Variants in DNM1 observed in about 807,000 individuals in gnomAD.
The protein encoded by DNM1 is dynamin 1, also known as dynamin-1.
In DNM1, 29 loss-of-function variants were observed where a neutral mutation model predicts 104.6. The observed-to-expected ratio is 0.28, with a 90% confidence interval of 0.21 to 0.38. DNM1 has a LOEUF of 0.38. Ranked by LOEUF, DNM1 falls within the 10% of genes least tolerant of loss-of-function variation. DNM1 has a pLI of 1.00. For synonymous variants in DNM1, 445 were observed against 475.8 expected, an observed-to-expected ratio of 0.94 and a Z score of 0.84; for missense variants, 640 against 1,189.4, an observed-to-expected ratio of 0.54 and a Z score of 6.79.
At position 128,254,317 on chromosome 9, in the gene DNM1, AGAG is replaced by A; in HGVS notation, c.2535-336_2535-334del. The A allele has an allele frequency of 1.4e-6, 2 of 1,395,486 alleles. No individual in the cohort carries two copies. Among genetic ancestry groups the A allele is most frequent in the Non-Finnish European group, 9.2e-7 (1 of 1,085,046 alleles). The allele number at this position is 1,395,486 out of a possible 1,614,324, so 86.4% of individuals were successfully genotyped here. A position where few individuals can be genotyped will look rare whatever the true frequency, so the allele number is the denominator to read the frequency against. Reference sequence around the variant, plus strand: ...CAGTGGGTTGGAAGACAGGGTGACCAGAGAAGAGGGAAGCCCGAGGGGGCCGAG... The same window carrying A: ...CAGTGGGTTGGAAGACAGGGTGACCAAAGAGGGAAGCCCGAGGGGGCCGAG... On this transcript the variant is annotated intron_variant, in intron 21 of 21. Transcript: ENST00000372923. This position sits in a 1 kb window ranked among gnomAD's most constrained non-coding sequence, Gnocchi z 6.1.
At position 128,239,460 on chromosome 9, in the gene DNM1, G is replaced by A; in HGVS notation, c.1438G>A (p.Asp480Asn). The part of the protein sequence containing the change: ...RTKEQVMLLI[D>N]IELAYMNTNH... The stretch of plus-strand genomic sequence containing the variant: ...ATCCTTGAAGGTCATGCTTCTCATC[G>A]ATATCGAGCTGGCTTACATGAACAC... Residue 480 changes from aspartate to asparagine, a missense_variant, in exon 12 of 22, where the codon GAT becomes AAT. By Grantham distance (23) the Asp-to-Asn change is conservative (BLOSUM62 1). Transcript: ENST00000372923. The A allele has an allele frequency of 1.2e-6, 2 of 1,613,816 alleles. No homozygotes were observed. Among genetic ancestry groups the A allele is most frequent in the Non-Finnish European group, 8.5e-7 (1 of 1,179,810 alleles).
chr9:128,203,839 T>A lies in DNM1; in HGVS notation c.161+208T>A, dbSNP rs1833666556. Among the ~76,000 whole-genome samples the A allele has an allele frequency of 7.2e-6, 1 of 138,564 alleles. No individual in the cohort carries two copies. Among genetic ancestry groups the A allele is most frequent in the South Asian group, 2.4e-4 (1 of 4,124 alleles). The allele number at this position is 138,564 out of a possible 152,430, so 90.9% of individuals were successfully genotyped here. On this transcript the variant is annotated intron_variant, in intron 1 of 21. Coordinates refer to ENST00000372923, the MANE Select transcript of DNM1 (RefSeq NM_004408.4). The surrounding 1 kb of genome is among the most constrained non-coding windows in gnomAD (Gnocchi z 5.3). ...AGCGCCCCCCGCTAGTCTGCAAACGTCGTCAAGCCTCCGGCTACCGAATCA... is the reference window on the plus strand; with the variant it reads ...AGCGCCCCCCGCTAGTCTGCAAACGACGTCAAGCCTCCGGCTACCGAATCA...
intron 10 of DNM1, among the ~76,000 whole-genome samples, chr9:128,230,140 C>G (rs1271089369): frequency 6.6e-6 from 1 of 151,056 alleles, no homozygotes; most frequent in Non-Finnish European, 1.5e-5. Context: ...TTGCTTGAAC[C>G]CAGGAGGCGG....
At chr9:128,250,076 A>C (rs1231506441) in intron 19 of DNM1, 39 bp from the exon 20 acceptor site, 15 of 1,613,522 alleles carry the variant, frequency 9.3e-6, no homozygotes, top group African/African-American at 2.7e-5. Flanking sequence ...CGGCACAGGC[A>C]TCAGGTCCCC....
rs140950284 is a variant in DNM1 at position 128,220,742 on chromosome 9, C to CGTGTGTGTGTGTGTGTGTGT, written c.849+408_849+427dup. 7.3e-6 allele frequency among the ~76,000 whole-genome samples: 1 copy of CGTGTGTGTGTGTGTGTGTGT among 136,278 alleles called. No individual in the cohort carries two copies. Among genetic ancestry groups the CGTGTGTGTGTGTGTGTGTGT allele is most frequent in the Non-Finnish European group, 1.6e-5 (1 of 63,298 alleles). The allele number at this position is 136,278 out of a possible 152,430, so 89.4% of individuals were successfully genotyped here. On this transcript the variant is annotated intron_variant, in intron 6 of 21. Transcript: ENST00000372923. This position sits in a 1 kb window ranked among gnomAD's most constrained non-coding sequence, Gnocchi z 5.2. The stretch of plus-strand genomic sequence containing the variant: ...CAGAACTGAAGTGCGCGCGCGCGCG[C>CGTGTGTGTGTGTGTGTGTGT]GTGTGTGTGTGTGTGTGTGTGTGTG...
chr9:128,250,707 G>C lies in DNM1; in HGVS notation c.2319-18G>C. 8.2e-6 allele frequency: 12 copies of C among 1,458,198 alleles called. No individual in the cohort carries two copies. The highest frequency in any genetic ancestry group is 1.1e-5 in the Non-Finnish European group (12 of 1,111,340). The allele number at this position is 1,458,198 out of a possible 1,614,324, so 90.3% of individuals were successfully genotyped here. ...CTCATCTCGCCTCTCCTTGTTCCTCGCTCCCTGTCGCCCTCAGGTCGCCCA... is the reference window on the plus strand; with the variant it reads ...CTCATCTCGCCTCTCCTTGTTCCTCCCTCCCTGTCGCCCTCAGGTCGCCCA... On this transcript the variant is annotated intron_variant, in intron 20 of 21. Transcript: ENST00000372923.
In DNM1 at chr9:128,247,792, C is replaced by A; in HGVS notation, c.1894-132C>A. On this transcript the variant is annotated intron_variant, in intron 17 of 21. Coordinates refer to ENST00000372923, the MANE Select transcript of DNM1 (RefSeq NM_004408.4). This position sits in a 1 kb window ranked among gnomAD's most constrained non-coding sequence, Gnocchi z 5.1. ...CTCCCCTATTTCACTGTGGCGATGT[C>A]TAGAGTAGCCTGAGAGTTGGGGTGC... 1 of 1,218,442 alleles carries A rather than the reference C, an allele frequency of 8.2e-7. No individual in the cohort carries two copies. Among genetic ancestry groups the A allele is most frequent in the Non-Finnish European group, 1.2e-6 (1 of 858,344 alleles). 75.5% of individuals were successfully genotyped at this position (1,218,442 alleles called of 1,614,324 possible). A position where few individuals can be genotyped will look rare whatever the true frequency, so the allele number is the denominator to read the frequency against.
chr9:128,251,055 C>T, intron 21 of DNM1, 115 bp downstream of exon 21: 3 of 755,428 alleles, frequency 4.0e-6, no homozygotes, highest in Non-Finnish European at 6.6e-6. Context: ...GTTTCTATCC[C>T]AGGCAATCGG....
rs1026420583 is a variant in DNM1, at chr9:128,240,020, C to T, written c.1557+24C>T. ...TGGTGAGTACCAGGACTGGGGCTCT[C>T]GGCTTGTGTAGTGAGGGGGCGGAGG... On this transcript the variant is annotated intron_variant, in intron 14 of 21. Coordinates refer to ENST00000372923, the MANE Select transcript of DNM1 (RefSeq NM_004408.4). The surrounding 1 kb of genome is among the most constrained non-coding windows in gnomAD (Gnocchi z 5.1). 6.2e-6 allele frequency: 10 copies of T among 1,613,880 alleles called. No homozygotes were observed. Among genetic ancestry groups the T allele is most frequent in the South Asian group, 4.4e-5 (4 of 91,074 alleles).
Position 128,245,805 on chromosome 9 carries a change from CAT to C in DNM1, c.1672-588_1672-587del, listed in dbSNP as rs1196907454. ...CATGCTGGGCACCTCCCCAGATACA[CAT>C]GTGCACACACACACAATAGCTGATA... is the stretch of plus-strand genomic sequence containing the variant. On this transcript the variant is annotated intron_variant, in intron 15 of 21. Transcript: ENST00000372923. The surrounding 1 kb of genome is among the most constrained non-coding windows in gnomAD (Gnocchi z 5.2). 1.3e-5 allele frequency among the ~76,000 whole-genome samples: 2 copies of C among 152,260 alleles called. No homozygotes were observed. The highest frequency in any genetic ancestry group is 4.8e-5 in the African/African-American group (2 of 41,468).
chr9:128,215,166 C>T (rs998050302), intron 1 of DNM1, among the ~76,000 whole-genome samples: 1 of 152,232 alleles, frequency 6.6e-6, no homozygotes, highest in Non-Finnish European at 1.5e-5. Context: ...GGGAAGCAGA[C>T]CTCTCGGGTC....
chr9:128,222,869 T>G lies in DNM1; in HGVS notation c.1196+9T>G. On this transcript the variant is annotated intron_variant, in intron 9 of 21. Coordinates refer to ENST00000372923, the MANE Select transcript of DNM1 (RefSeq NM_004408.4). This position sits in a 1 kb window ranked among gnomAD's most constrained non-coding sequence, Gnocchi z 7.8. The stretch of plus-strand genomic sequence containing the variant: ...AATATCCATGGCATTAGGCACGTAT[T>G]GGGGCCTGGGAGGGTGGCTGAACCC... 1 of 1,613,842 alleles carries G rather than the reference T, an allele frequency of 6.2e-7. No homozygotes were observed. Among genetic ancestry groups the G allele is most frequent in the Non-Finnish European group, 8.5e-7 (1 of 1,179,862 alleles).
chr9:128,242,852 G>A (rs1333843121), intron 15 of DNM1, among the ~76,000 whole-genome samples: 2 of 152,182 alleles, frequency 1.3e-5, no homozygotes, highest in East Asian at 3.9e-4. Context: ...CACCCAGGTT[G>A]GAAGGAGAAG....
At position 128,247,154 on chromosome 9, in the gene DNM1, CACTT is replaced by C. The variant is rs2131286919; in HGVS notation, c.1782-220_1782-217del. ...GTCCCCTTCTAAGCATTTTACCACT[CACTT>C]CACTGAATCCTCAGTGACCCAAGGA... On this transcript the variant is annotated intron_variant, in intron 16 of 21. Coordinates refer to ENST00000372923, the MANE Select transcript of DNM1 (RefSeq NM_004408.4). This position sits in a 1 kb window ranked among gnomAD's most constrained non-coding sequence, Gnocchi z 5.1. 2.1e-6 allele frequency: 1 copy of C among 466,836 alleles called. No individual in the cohort carries two copies. Among genetic ancestry groups the C allele is most frequent in the East Asian group, 3.3e-5 (1 of 30,118 alleles). The allele number at this position is 466,836 out of a possible 1,614,324, so 28.9% of individuals were successfully genotyped here.
At chr9:128,226,228 AGCCTCC>A in intron 10 of DNM1, 1 of 1,604,176 alleles carries the variant, frequency 6.2e-7, no homozygotes, top group Non-Finnish European at 8.5e-7. Flanking sequence ...TTGTGGCCAC[AGCCTCC>A]CGTGGGCAGA....
rs1364961903 is a variant in DNM1, at chr9:128,222,271, G to A, written c.924G>A (p.Glu308=). 3.1e-6 allele frequency: 5 copies of A among 1,614,198 alleles called. No homozygotes were observed. The highest frequency in any genetic ancestry group is 3.4e-6 in the Non-Finnish European group (4 of 1,180,032). Reference sequence around the variant, plus strand: ...TGCAGAGCCAGCTACTGTCCATTGAGAAGGAGGTGGAGGAATACAAGAACT... The same window carrying A: ...TGCAGAGCCAGCTACTGTCCATTGAAAAGGAGGTGGAGGAATACAAGAACT... The part of the protein sequence containing the change: ...NKLQSQLLSI[E]KEVEEYKNFR... Residue 308 remains glutamate, a synonymous_variant, in exon 7 of 22, where the codon GAG becomes GAA. Transcript: ENST00000372923. This position sits in a 1 kb window ranked among gnomAD's most constrained non-coding sequence, Gnocchi z 7.8.
At chr9:128,241,638 G>T (rs367546757) in intron 14 of DNM1, among the ~76,000 whole-genome samples, 9 of 152,096 alleles carry the variant, frequency 5.9e-5, no homozygotes, top group Non-Finnish European at 1.3e-4. Context: ...ACACACGCAC[G>T]TAGAGAAGTT....
Position 128,247,557 on chromosome 9 carries a change from G to A in DNM1, c.1893+71G>A. The A allele has an allele frequency of 8.4e-7, 1 of 1,184,738 alleles. No individual in the cohort carries two copies. The highest frequency in any genetic ancestry group is 1.2e-6 in the Non-Finnish European group (1 of 812,560). The allele number at this position is 1,184,738 out of a possible 1,614,324, so 73.4% of individuals were successfully genotyped here. A position where few individuals can be genotyped will look rare whatever the true frequency, so the allele number is the denominator to read the frequency against. ...CCCCTGGGGCACCATCCTCAGTGATGCCAAGTCATGCCATGTTTCCGAGCC... is the reference window on the plus strand; with the variant it reads ...CCCCTGGGGCACCATCCTCAGTGATACCAAGTCATGCCATGTTTCCGAGCC... On this transcript the variant is annotated intron_variant, in intron 17 of 21. Transcript: ENST00000372923. This position sits in a 1 kb window ranked among gnomAD's most constrained non-coding sequence, Gnocchi z 5.1.
intron 10 of DNM1, chr9:128,233,743 C>T (rs1367834035): frequency 7.7e-6 from 4 of 520,190 alleles, no homozygotes; most frequent in African/African-American, 5.9e-5. Context: ...CCACGGGAAC[C>T]ACCCCTCTGC....
Sources: allele counts gnomAD v4.1 joint callset (sites outside exome capture counted in the v4.1 genomes callset), GRCh38; gene constraint gnomAD v4.1.1; non-coding constraint Gnocchi (gnomAD v3.1); transcripts MANE v1.5; gene names NCBI Gene and HGNC (gene_info 2026-07-23, HGNC 2026-07-21).